Variants in SYT2 observed in about 807,000 individuals in gnomAD.
SYT2 encodes the protein synaptotagmin-2.
SYT2 carries 15 observed loss-of-function variants against 39.9 expected under a neutral mutation model. The ratio of observed to expected loss-of-function variants is 0.38; its 90% CI spans 0.25 to 0.58. SYT2 has a LOEUF of 0.58. Ranked by LOEUF, SYT2 falls within the 20% of genes least tolerant of loss-of-function variation. SYT2 has a pLI of 0.70. For synonymous variants in SYT2, 181 were observed against 204.5 expected (o/e 0.89, Z 0.98); for missense variants, 389 against 530.3 (o/e 0.73, Z 2.62).
chr1:202,685,202 C>T (rs531685491), intron 1 of SYT2, among the ~76,000 whole-genome samples: 1 of 152,302 alleles, frequency 6.6e-6, no homozygotes, highest in East Asian at 1.9e-4. Context: ...ATTTCCCACT[C>T]ACCTGGCTGG....
chr1:202,689,813 A>AC (rs888678129), intron 1 of SYT2, among the ~76,000 whole-genome samples: 1 of 151,022 alleles, frequency 6.6e-6, no homozygotes, highest in Non-Finnish European at 1.5e-5. Flanking sequence ...CAGTGTAGAC[A>AC]CCCCCACAAG....
chr1:202,629,434 TTCAAGTTCTCATTTGTGGGTA>T (rs894477962), intron 1 of SYT2, among the ~76,000 whole-genome samples: 6 of 152,352 alleles, frequency 3.9e-5, no homozygotes, highest in Admixed American at 3.3e-4. Context: ...TGCTCAAGCT[TTCAAGTTCTCATTTGTGGGTA>T]TCAAGTTCTC....
At chr1:202,624,845 TGGTGTGTAGTAG>T (rs1691327669) in intron 1 of SYT2, among the ~76,000 whole-genome samples, 1 of 57,006 alleles carries the variant, frequency 1.8e-5, no homozygotes, top group African/African-American at 8.7e-5. Context: ...AGGGTGTGTG[TGGTGTGTAGTAG>T]GGTGTGTGGT....
chr1:202,699,010 CTTTTTTT>C (rs5780118), intron 1 of SYT2, among the ~76,000 whole-genome samples: 4 of 97,942 alleles, frequency 4.1e-5, no homozygotes, highest in African/African-American at 7.6e-5. Context: ...ACCAAACTGT[CTTTTTTT>C]TTTTTTTTTT....
Position 202,680,052 on chromosome 1 carries a change from G to A in SYT2, c.-18+30206C>T, listed in dbSNP as rs111253984. On this transcript the variant is annotated intron_variant, in intron 1 of 8. Coordinates refer to ENST00000367268, the MANE Select transcript of SYT2 (RefSeq NM_177402.5). ...CCCTCCTTCTGAATCCCATATCGCTGTACTGAACTAATAGTTTGCATGTCA... is the reference window on the plus strand; with the variant it reads ...CCCTCCTTCTGAATCCCATATCGCTATACTGAACTAATAGTTTGCATGTCA... Among the ~76,000 whole-genome samples, 1,338 of 152,266 alleles carry A rather than the reference G, an allele frequency of 8.8e-3. 16 individuals carry two copies. Among genetic ancestry groups the A allele is most frequent in the African/African-American group, 0.031 (1,282 of 41,546 alleles).
At chr1:202,665,605 T>C (rs1201230892) in intron 1 of SYT2, among the ~76,000 whole-genome samples, 1 of 151,740 alleles carries the variant, frequency 6.6e-6, no homozygotes, top group East Asian at 1.9e-4. Flanking sequence ...GCCAGAAGAG[T>C]GGGGTCATTG....
At chr1:202,650,169 A>C (rs1692164048) in intron 1 of SYT2, among the ~76,000 whole-genome samples, 1 of 152,214 alleles carries the variant, frequency 6.6e-6, no homozygotes, top group Admixed American at 6.5e-5. Flanking sequence ...AAGCCCAAAT[A>C]ATCAACTCCC....
chr1:202,687,595 T>C (rs1270415029), intron 1 of SYT2, among the ~76,000 whole-genome samples: 1 of 140,494 alleles, frequency 7.1e-6, no homozygotes, highest in Non-Finnish European at 1.5e-5. Context: ...AAGAGCCTTA[T>C]ACAGAAGTTA....
chr1:202,647,599 G>A (rs1390814374), intron 1 of SYT2, among the ~76,000 whole-genome samples: 3 of 152,230 alleles, frequency 2.0e-5, no homozygotes, highest in Admixed American at 1.3e-4. Flanking sequence ...AGGAGTGAGG[G>A]AGAAAGAGGG....
intron 1 of SYT2, among the ~76,000 whole-genome samples, chr1:202,647,617 G>A (rs537001760): frequency 1.3e-5 from 2 of 152,236 alleles, no homozygotes; most frequent in East Asian, 1.9e-4. Context: ...GGGGAAGGGA[G>A]AGAAGAGGAT....
At chr1:202,600,301 TG>T in intron 7 of SYT2, 55 bp downstream of exon 7, 6 of 1,448,404 alleles carry the variant, frequency 4.1e-6, no homozygotes, top group Non-Finnish European at 5.8e-6. Flanking sequence ...CTCTGGGACT[TG>T]GTGCTGACTG....
At chr1:202,646,376 C>A (rs1692081501) in intron 1 of SYT2, among the ~76,000 whole-genome samples, 1 of 152,216 alleles carries the variant, frequency 6.6e-6, no homozygotes, top group South Asian at 2.1e-4. Flanking sequence ...AGTTCCCTGA[C>A]CCCTCTCCCT....
intron 1 of SYT2, among the ~76,000 whole-genome samples, chr1:202,657,528 C>T (rs1322146725): frequency 3.3e-5 from 5 of 152,188 alleles, no homozygotes; most frequent in African/African-American, 1.2e-4. Context: ...AGTCAGACAG[C>T]TCTGTGAGCG....
At chr1:202,690,054 T>C (rs1653778607) in intron 1 of SYT2, among the ~76,000 whole-genome samples, 1 of 151,990 alleles carries the variant, frequency 6.6e-6, no homozygotes, top group Admixed American at 6.5e-5. Context: ...TTCATCTCTG[T>C]CAGGGCCAGA....
At chr1:202,678,909 A>T (rs1450478061) in intron 1 of SYT2, among the ~76,000 whole-genome samples, 1 of 151,928 alleles carries the variant, frequency 6.6e-6, no homozygotes, top group Non-Finnish European at 1.5e-5. Context: ...AACGCCCTAC[A>T]TTCTGACACA....
At chr1:202,676,614 C>G (rs1224649054) in intron 1 of SYT2, among the ~76,000 whole-genome samples, 1 of 152,128 alleles carries the variant, frequency 6.6e-6, no homozygotes, top group East Asian at 1.9e-4. Flanking sequence ...AAGCTTTTCC[C>G]AGGCTAGCAT....
chr1:202,655,498 A>G (rs927451730), intron 1 of SYT2, among the ~76,000 whole-genome samples: 2 of 152,128 alleles, frequency 1.3e-5, no homozygotes, highest in African/African-American at 2.4e-5. Flanking sequence ...CCATTAATTC[A>G]GGCACAAGGG....
chr1:202,709,209 C>T (rs1654328191), intron 1 of SYT2, among the ~76,000 whole-genome samples: 1 of 152,204 alleles, frequency 6.6e-6, no homozygotes, highest in African/African-American at 2.4e-5. Context: ...TGGGCCAGCA[C>T]CTCTTCTGTC....
intron 1 of SYT2, among the ~76,000 whole-genome samples, chr1:202,661,029 C>T (rs1407552357): frequency 6.6e-6 from 1 of 152,166 alleles, no homozygotes; most frequent in Non-Finnish European, 1.5e-5. Flanking sequence ...TGAGCATCTA[C>T]TCCACTCCAG....
Sources: gnomAD v4.1 joint callset for allele counts (sites outside exome capture counted in the v4.1 genomes callset) on GRCh38, gnomAD v4.1.1 for gene constraint, MANE v1.5 for transcripts, NCBI Gene and HGNC (gene_info 2026-07-23, HGNC 2026-07-21) for gene names.